The following VWA8 variants were observed in gnomAD, a reference collection of about 807,000 sequenced individuals.
VWA8 encodes the protein von Willebrand factor A domain containing 8, also known as von Willebrand factor A domain-containing protein 8.
A neutral mutation model predicts 241.5 loss-of-function variants in VWA8; 221 were observed. That is an observed-to-expected ratio of 0.91 (90% CI 0.82 to 1.02). The LOEUF (loss-of-function observed/expected upper bound fraction) is 1.02, where lower values mean the gene tolerates loss of function less well. Ranked by LOEUF, VWA8 falls within the 50% of genes least tolerant of loss-of-function variation. VWA8 has a pLI of 0.00. For missense variants in VWA8, 2,322 were observed against 2,328.7 expected (o/e 1.00, Z 0.06); for synonymous variants, 852 against 827.1 (o/e 1.03, Z -0.52).
chr13:41,676,146 A>T (rs990388101), intron 35 of VWA8, among the ~76,000 whole-genome samples: 1 of 152,194 alleles, frequency 6.6e-6, no homozygotes, highest in Non-Finnish European at 1.5e-5. Flanking sequence ...TGGAAATTTA[A>T]GTATGGTTTA....
intron 37 of VWA8, among the ~76,000 whole-genome samples, chr13:41,662,141 A>C (rs1231058950): frequency 4.6e-5 from 7 of 152,234 alleles, no homozygotes; most frequent in African/African-American, 1.4e-4. Flanking sequence ...TTCCCATATA[A>C]ATTTTAGAGT....
rs1197194011 is a variant in VWA8, at chr13:41,569,945, A to G, written c.5609+523T>C. ...CTGCCTTGTCTCTCCAGCAATAAGA[A>G]GGGATACATGTGAGTGTGTCTATAT... On this transcript the variant is annotated intron_variant, in intron 44 of 44. Coordinates refer to ENST00000379310, the MANE Select transcript of VWA8 (RefSeq NM_015058.2). Among the ~76,000 whole-genome samples, 11 of 152,264 alleles carry G rather than the reference A, an allele frequency of 7.2e-5. No individual in the cohort carries two copies. The East Asian group carries it at 2.1e-3, about 29-fold the overall frequency.
intron 43 of VWA8, among the ~76,000 whole-genome samples, chr13:41,570,944 G>A (rs957492842): frequency 1.3e-5 from 2 of 152,088 alleles, no homozygotes; most frequent in Admixed American, 6.6e-5. Context: ...TATCACAGTG[G>A]GCACTTAGTT....
chr13:41,933,424 TC>T (rs1435689652), intron 2 of VWA8, among the ~76,000 whole-genome samples: 1 of 152,044 alleles, frequency 6.6e-6, no homozygotes, highest in African/African-American at 2.4e-5. Context: ...CCATTAAAAA[TC>T]CCAGCAGGCT....
At chr13:41,885,708 C>T (rs1446679301) in intron 8 of VWA8, among the ~76,000 whole-genome samples, 1 of 152,226 alleles carries the variant, frequency 6.6e-6, no homozygotes. Flanking sequence ...GCATGTCTAG[C>T]TCCTACTCCA....
At chr13:41,871,003 T>G (rs1430669980) in intron 9 of VWA8, among the ~76,000 whole-genome samples, 1 of 152,174 alleles carries the variant, frequency 6.6e-6, no homozygotes, top group South Asian at 2.1e-4. Flanking sequence ...CCATATTCTC[T>G]ATCTCCAACT....
intron 9 of VWA8, among the ~76,000 whole-genome samples, chr13:41,876,779 T>G (rs1873918856): frequency 6.6e-6 from 1 of 151,954 alleles, no homozygotes. Context: ...TTGAAACAGT[T>G]GCTATTACTT....
At chr13:41,580,342 G>T (rs569491419) in intron 42 of VWA8, among the ~76,000 whole-genome samples, 1 of 152,308 alleles carries the variant, frequency 6.6e-6, no homozygotes, top group Admixed American at 6.5e-5. Flanking sequence ...GTAGCAATAA[G>T]AATTTATTCA....
At chr13:41,705,924 A>G (rs929648734) in intron 26 of VWA8, among the ~76,000 whole-genome samples, 1 of 152,256 alleles carries the variant, frequency 6.6e-6, no homozygotes, top group African/African-American at 2.4e-5. Context: ...TTATTAAAGC[A>G]TATAAAAACA....
intron 12 of VWA8, among the ~76,000 whole-genome samples, chr13:41,836,253 C>T (rs1410590145): frequency 1.3e-5 from 2 of 151,984 alleles, no homozygotes; most frequent in Non-Finnish European, 2.9e-5. Flanking sequence ...AAAGAGTAGG[C>T]TTTGTCTATT....
intron 4 of VWA8, among the ~76,000 whole-genome samples, chr13:41,897,186 T>C (rs1048943884): frequency 3.9e-5 from 6 of 151,938 alleles, no homozygotes; most frequent in Admixed American, 3.9e-4. Context: ...AGGACAAATA[T>C]TGAGAACATA....
intron 39 of VWA8, among the ~76,000 whole-genome samples, chr13:41,608,310 G>A (rs2044565678): frequency 6.6e-6 from 1 of 152,124 alleles, no homozygotes; most frequent in Non-Finnish European, 1.5e-5. Flanking sequence ...GAAAGATGAT[G>A]ACTGAAGCAA....
At chr13:41,662,438 G>C (rs2044956485) in intron 37 of VWA8, among the ~76,000 whole-genome samples, 1 of 151,600 alleles carries the variant, frequency 6.6e-6, no homozygotes, top group Non-Finnish European at 1.5e-5. Flanking sequence ...AATTTTAATT[G>C]TTAGTTATCA....
intron 29 of VWA8, among the ~76,000 whole-genome samples, chr13:41,697,405 C>T (rs1395319622): frequency 1.3e-5 from 2 of 152,132 alleles, no homozygotes; most frequent in Non-Finnish European, 2.9e-5. Flanking sequence ...TACTCATAGT[C>T]AGGACCCAGA....
intron 12 of VWA8, among the ~76,000 whole-genome samples, chr13:41,854,228 C>A (rs761322349): frequency 2.6e-5 from 4 of 152,040 alleles, no homozygotes; most frequent in African/African-American, 4.8e-5. Flanking sequence ...TCTGTCAGTA[C>A]CTTTGGTTAA....
At chr13:41,648,632 G>A (rs761878230) in intron 37 of VWA8, among the ~76,000 whole-genome samples, 64 of 152,104 alleles carry the variant, frequency 4.2e-4, no homozygotes, top group Non-Finnish European at 8.4e-4. Context: ...TACTTTTGAC[G>A]GGGCCGTAAA....
intron 24 of VWA8, among the ~76,000 whole-genome samples, chr13:41,725,340 G>T (rs181299332): frequency 3.3e-5 from 5 of 152,252 alleles, no homozygotes; most frequent in Admixed American, 3.3e-4. Context: ...GGAAAGACTG[G>T]AGGTGGTGAA....
chr13:41,726,961 C>T (rs2045440404), intron 24 of VWA8, among the ~76,000 whole-genome samples: 1 of 152,128 alleles, frequency 6.6e-6, no homozygotes, highest in Admixed American at 6.6e-5. Context: ...TGCCACTGCA[C>T]TCCAGTCTGG....
intron 35 of VWA8, among the ~76,000 whole-genome samples, chr13:41,682,965 G>C (rs1398813618): frequency 6.6e-6 from 1 of 152,098 alleles, no homozygotes; most frequent in Admixed American, 6.6e-5. Context: ...ACCAAGTGCT[G>C]ACAGGGATGC....
Sources: allele counts gnomAD v4.1 joint callset (sites outside exome capture counted in the v4.1 genomes callset), GRCh38; gene constraint gnomAD v4.1.1; transcripts MANE v1.5; gene names NCBI Gene and HGNC (gene_info 2026-07-23, HGNC 2026-07-21).